DDX42: variants seen among roughly 807,000 people sequenced by gnomAD.
DDX42 encodes the protein DEAD-box helicase 42.
Under a neutral mutation model 101.5 loss-of-function variants are expected in DDX42, and 22 were observed. That is an observed-to-expected ratio of 0.22 (90% CI 0.15 to 0.31). The LOEUF (loss-of-function observed/expected upper bound fraction) is 0.31, where lower values mean the gene tolerates loss of function less well. Ranked by LOEUF, DDX42 falls within the 10% of genes least tolerant of loss-of-function variation. The probability of loss-of-function intolerance (pLI) is 1.00; values close to 1 mark genes in which losing one functional copy is unlikely to be tolerated. For missense variants in DDX42, 849 were observed against 1,199.9 expected (o/e 0.71, Z 4.32); for synonymous variants, 402 against 401.2 (o/e 1.00, Z -0.02).
chr17:63,786,927 T>C, intron 1 of DDX42, 107 bp from the exon 2 acceptor site: 1 of 1,084,348 alleles, frequency 9.2e-7, no homozygotes, highest in Non-Finnish European at 1.3e-6. Flanking sequence ...CCACCTGCCT[T>C]GGCCTCCCAA....
At chr17:63,775,803 G>C (rs906455999) in intron 1 of DDX42, among the ~76,000 whole-genome samples, 2 of 152,146 alleles carry the variant, frequency 1.3e-5, no homozygotes, top group Non-Finnish European at 2.9e-5. Flanking sequence ...TGAGGGTTTC[G>C]ATCAGAGGAA....
chr17:63,810,668 T>C lies in DDX42; in HGVS notation c.1300+108T>C. ...GTAAAAATGATCTTGTGTCTGTTGGTGAGAACCATAATAAGGGAGGTAATG... is the reference window on the plus strand; with the variant it reads ...GTAAAAATGATCTTGTGTCTGTTGGCGAGAACCATAATAAGGGAGGTAATG... On this transcript the variant is annotated intron_variant, in intron 12 of 17. Transcript: ENST00000389924. 12 of 1,112,274 alleles carry C rather than the reference T, an allele frequency of 1.1e-5. No homozygotes were observed. The South Asian group carries it at 1.4e-4, about 13-fold the overall frequency. 68.9% of individuals were successfully genotyped at this position (1,112,274 alleles called of 1,614,324 possible). A position where few individuals can be genotyped will look rare whatever the true frequency, so the allele number is the denominator to read the frequency against.
intron 1 of DDX42, among the ~76,000 whole-genome samples, chr17:63,782,731 C>CAACA (rs2039503563): frequency 6.6e-6 from 1 of 152,182 alleles, no homozygotes. Context: ...TGCGTTGCTG[C>CAACA]AACAGCCTTC....
intron 1 of DDX42, among the ~76,000 whole-genome samples, chr17:63,775,856 G>C (rs1027428033): frequency 6.6e-6 from 1 of 152,182 alleles, no homozygotes; most frequent in Admixed American, 6.5e-5. Context: ...ATATAAGAGA[G>C]GAGTGCAGTT....
intron 2 of DDX42, among the ~76,000 whole-genome samples, chr17:63,788,519 A>G (rs1180193151): frequency 6.7e-6 from 1 of 148,252 alleles, no homozygotes; most frequent in African/African-American, 2.6e-5. Flanking sequence ...TGTTAGCCAC[A>G]ATGGTCTCAA....
At chr17:63,810,988 C>A in intron 12 of DDX42, 88 bp from the exon 13 acceptor site, 4 of 1,059,426 alleles carry the variant, frequency 3.8e-6, no homozygotes, top group Non-Finnish European at 4.0e-6. Flanking sequence ...TGTAAAAAAA[C>A]TGAATAATCC....
At chr17:63,797,171 G>A (rs990446900) in intron 3 of DDX42, among the ~76,000 whole-genome samples, 7 of 152,002 alleles carry the variant, frequency 4.6e-5, no homozygotes, top group African/African-American at 1.4e-4. Context: ...GACCAACATG[G>A]AGAAACCCCG....
chr17:63,777,686 G>A (rs2039437885), intron 1 of DDX42, among the ~76,000 whole-genome samples: 1 of 151,846 alleles, frequency 6.6e-6, no homozygotes, highest in Non-Finnish European at 1.5e-5. Context: ...CTGACTTCGT[G>A]ATCCACCCGT....
chr17:63,800,740 C>G, intron 6 of DDX42, 123 bp downstream of exon 6: 1 of 1,218,932 alleles, frequency 8.2e-7, no homozygotes, highest in Non-Finnish European at 1.1e-6. Flanking sequence ...CTTGTCATCT[C>G]TACTAAGTGG....
chr17:63,813,945 T>A (rs2039943745), intron 15 of DDX42, among the ~76,000 whole-genome samples: 1 of 152,024 alleles, frequency 6.6e-6, no homozygotes, highest in Non-Finnish European at 1.5e-5. Context: ...GTTCAAGCAA[T>A]TCTCCTGCCT....
At position 63,802,891 on chromosome 17, in the gene DDX42, T is replaced by G. The variant is rs2144568442; in HGVS notation, c.622-2180T>G. Among the ~76,000 whole-genome samples the G allele has an allele frequency of 2.3e-5, 3 of 130,738 alleles. No individual in the cohort carries two copies. The Admixed American group carries it at 2.4e-4, about 10-fold the overall frequency. The allele number at this position is 130,738 out of a possible 152,430, so 85.8% of individuals were successfully genotyped here. ...TGCCATTGCACTCCAGCCTGGGCAA[T>G]AAGAACAACACTCCATCTCAAAAAA... On this transcript the variant is annotated intron_variant, in intron 6 of 17. Coordinates refer to ENST00000389924, the MANE Select transcript of DDX42 (RefSeq NM_203499.3).
intron 3 of DDX42, among the ~76,000 whole-genome samples, chr17:63,793,024 T>C (rs1413267395): frequency 6.6e-6 from 1 of 152,190 alleles, no homozygotes; most frequent in Non-Finnish European, 1.5e-5. Flanking sequence ...TTGAAACTCT[T>C]CTCACTAGGC....
At chr17:63,800,740 C>CAG in intron 6 of DDX42, 123 bp downstream of exon 6, 1 of 1,218,932 alleles carries the variant, frequency 8.2e-7, no homozygotes, top group Admixed American at 2.5e-5. Flanking sequence ...CTTGTCATCT[C>CAG]TACTAAGTGG....
intron 11 of DDX42, 103 bp from the exon 12 acceptor site, chr17:63,810,410 A>G (rs934507062): frequency 2.9e-5 from 36 of 1,261,340 alleles, no homozygotes; most frequent in Non-Finnish European, 4.0e-5. Context: ...TAATTTTCTT[A>G]ATTCTTACAA....
At chr17:63,776,343 C>G (rs1251923867) in intron 1 of DDX42, 2 of 152,336 alleles carry the variant, frequency 1.3e-5, no homozygotes, top group African/African-American at 4.8e-5. Flanking sequence ...ACGTCTCTAC[C>G]CAGCTTTCAT....
At chr17:63,808,530 T>C (rs2039870182) in intron 9 of DDX42, among the ~76,000 whole-genome samples, 1 of 152,170 alleles carries the variant, frequency 6.6e-6, no homozygotes, top group South Asian at 2.1e-4. Context: ...GTTTGTATTA[T>C]AAGCTGACAG....
At chr17:63,806,734 T>TG in intron 8 of DDX42, 80 bp downstream of exon 8, 1 of 1,460,130 alleles carries the variant, frequency 6.8e-7, no homozygotes, top group Non-Finnish European at 9.2e-7. Context: ...ATCACAGCAG[T>TG]AAAACAGTGT....
At chr17:63,801,742 A>T (rs1449836018) in intron 6 of DDX42, among the ~76,000 whole-genome samples, 1 of 152,148 alleles carries the variant, frequency 6.6e-6, no homozygotes, top group East Asian at 1.9e-4. Flanking sequence ...GATGTGAGCC[A>T]CTGCATCCGG....
intron 2 of DDX42, among the ~76,000 whole-genome samples, chr17:63,790,816 A>G (rs765465560): frequency 1.1e-4 from 16 of 152,158 alleles, no homozygotes; most frequent in Non-Finnish European, 2.4e-4. Flanking sequence ...CTGTAATGCC[A>G]GCTATTTGGG....
Sources: gnomAD v4.1 joint callset for allele counts (sites outside exome capture counted in the v4.1 genomes callset) on GRCh38, gnomAD v4.1.1 for gene constraint, MANE v1.5 for transcripts, NCBI Gene and HGNC (gene_info 2026-07-23, HGNC 2026-07-21) for gene names.